The following CNTNAP2 variants were observed in gnomAD, a reference collection of about 807,000 sequenced individuals.
CNTNAP2 encodes contactin associated protein 2, also known as contactin-associated protein-like 2.
A neutral mutation model predicts 155.2 loss-of-function variants in CNTNAP2; 98 were observed. The observed-to-expected ratio is 0.63, with a 90% CI of 0.54 to 0.75. The LOEUF (loss-of-function observed/expected upper bound fraction) is 0.75. Among genes scored for constraint, CNTNAP2 ranks in the 30% least tolerant of loss-of-function variants. CNTNAP2 has a pLI of 0.00. For synonymous variants in CNTNAP2, 651 were observed against 631.2 expected (o/e 1.03, Z -0.47); for missense variants, 1,727 against 1,688.1 (o/e 1.02, Z -0.40).
intron 1 of CNTNAP2, among the ~76,000 whole-genome samples, chr7:146,298,585 A>G (rs1037541596): frequency 3.9e-5 from 6 of 152,238 alleles, no homozygotes; most frequent in African/African-American, 7.2e-5. Flanking sequence ...ATGTGGGGCT[A>G]TCAGGGGATT....
intron 13 of CNTNAP2, among the ~76,000 whole-genome samples, chr7:147,827,828 C>CT (rs1229572020): frequency 6.6e-6 from 1 of 152,104 alleles, no homozygotes; most frequent in Non-Finnish European, 1.5e-5. Flanking sequence ...AATGCAATGA[C>CT]TTCTTGTATT....
intron 15 of CNTNAP2, among the ~76,000 whole-genome samples, chr7:148,097,651 A>G (rs557313436): frequency 6.6e-6 from 1 of 152,242 alleles, no homozygotes; most frequent in African/African-American, 2.4e-5. Flanking sequence ...TTCAACAAAT[A>G]TTACTGATGT....
At chr7:147,073,450 G>C (rs1006412848) in intron 4 of CNTNAP2, among the ~76,000 whole-genome samples, 1 of 152,084 alleles carries the variant, frequency 6.6e-6, no homozygotes, top group Non-Finnish European at 1.5e-5. Flanking sequence ...CTAAATAAAG[G>C]AGTCAAGATC....
At chr7:147,299,847 C>G (rs1001926983) in intron 8 of CNTNAP2, among the ~76,000 whole-genome samples, 1 of 152,084 alleles carries the variant, frequency 6.6e-6, no homozygotes, top group East Asian at 1.9e-4. Flanking sequence ...TTTGGGAGGC[C>G]GAGGTCATCT....
rs572649417 is a variant in CNTNAP2 at position 148,318,275 on chromosome 7, C to T, written c.3475+51149C>T. 1.1e-4 allele frequency among the ~76,000 whole-genome samples: 16 copies of T among 152,244 alleles called. No individual in the cohort carries two copies. In the South Asian group the frequency reaches 2.1e-3, roughly 20 times the overall value. ...AACCGCCCCCTGCAGAGAAGTCACC[C>T]GGCTGTCGCCTGCTTGGCTTGCCCT... On this transcript the variant is annotated intron_variant, in intron 21 of 23. Coordinates refer to ENST00000361727, the MANE Select transcript of CNTNAP2 (RefSeq NM_014141.6).
chr7:148,274,302 G>A (rs1796833562), intron 21 of CNTNAP2, among the ~76,000 whole-genome samples: 3 of 151,876 alleles, frequency 2.0e-5, no homozygotes, highest in Admixed American at 1.3e-4. Flanking sequence ...GTTTGTTACT[G>A]TGGCAGAGCC....
intron 14 of CNTNAP2, among the ~76,000 whole-genome samples, chr7:147,919,591 T>TGG (rs1347185809): frequency 6.6e-6 from 1 of 151,466 alleles, no homozygotes; most frequent in Non-Finnish European, 1.5e-5. Context: ...CCCAAGTAGC[T>TGG]GGGACTACAG....
Position 148,260,865 on chromosome 7 carries a change from C to T in CNTNAP2, c.3382-6168C>T, listed in dbSNP as rs913112215. The stretch of plus-strand genomic sequence containing the variant: ...GCATGTGAGGGCCTTCACAGGACAC[C>T]AAGATCCAAAAGCAGCCAGGCCTAA... On this transcript the variant is annotated intron_variant, in intron 20 of 23. Coordinates refer to ENST00000361727, the MANE Select transcript of CNTNAP2 (RefSeq NM_014141.6). Among the ~76,000 whole-genome samples, 4 of 152,276 alleles carry T rather than the reference C, an allele frequency of 2.6e-5. No homozygotes were observed. In the South Asian group the frequency reaches 6.2e-4, roughly 24 times the overall value.
intron 10 of CNTNAP2, among the ~76,000 whole-genome samples, chr7:147,477,914 T>C (rs1341440680): frequency 6.6e-6 from 1 of 152,220 alleles, no homozygotes; most frequent in Non-Finnish European, 1.5e-5. Flanking sequence ...ATCCCTAATG[T>C]AATAATTAAT....
intron 8 of CNTNAP2, among the ~76,000 whole-genome samples, chr7:147,244,200 T>A (rs1234213163): frequency 6.6e-6 from 1 of 152,188 alleles, no homozygotes; most frequent in Non-Finnish European, 1.5e-5. Flanking sequence ...TACAAAGTTA[T>A]CTGATACACA....
Position 147,428,054 on chromosome 7 carries a change from T to C in CNTNAP2, c.1670+32274T>C, listed in dbSNP as rs537151743. ...TTTCAGTTGCAAAGAATAGTACAAA[T>C]AAATCAAAGTAAATGTAGATTTAGT... On this transcript the variant is annotated intron_variant, in intron 10 of 23. Coordinates refer to ENST00000361727, the MANE Select transcript of CNTNAP2 (RefSeq NM_014141.6). 2.6e-5 allele frequency among the ~76,000 whole-genome samples: 4 copies of C among 152,292 alleles called. No individual in the cohort carries two copies. The South Asian group carries it at 8.3e-4, about 32-fold the overall frequency.
chr7:147,439,085 T>C (rs1485982374), intron 10 of CNTNAP2, among the ~76,000 whole-genome samples: 1 of 152,060 alleles, frequency 6.6e-6, no homozygotes, highest in Non-Finnish European at 1.5e-5. Flanking sequence ...TTCAATCTTA[T>C]TTATTTCTGC....
intron 1 of CNTNAP2, among the ~76,000 whole-genome samples, chr7:146,697,396 C>T (rs997648123): frequency 2.6e-5 from 4 of 152,018 alleles, no homozygotes; most frequent in African/African-American, 9.7e-5. Context: ...TGCCACCACA[C>T]CGGGTTAATT....
intron 15 of CNTNAP2, among the ~76,000 whole-genome samples, chr7:148,106,145 A>G (rs1804212414): frequency 6.6e-6 from 1 of 152,176 alleles, no homozygotes; most frequent in Admixed American, 6.5e-5. Flanking sequence ...AGAGTGGGAA[A>G]AGCTCTACCT....
At chr7:146,916,365 TTCTC>T (rs1396448625) in intron 3 of CNTNAP2, among the ~76,000 whole-genome samples, 5 of 151,156 alleles carry the variant, frequency 3.3e-5, no homozygotes, top group African/African-American at 1.2e-4. Context: ...CTCTTTCTCT[TTCTC>T]TTTCTCTAAA....
chr7:146,995,585 A>G (rs1798293547), intron 3 of CNTNAP2, among the ~76,000 whole-genome samples: 1 of 152,084 alleles, frequency 6.6e-6, no homozygotes, highest in South Asian at 2.1e-4. Flanking sequence ...TGTGATGAAT[A>G]ATGATATTGA....
At chr7:148,382,344 C>T (rs1344184968) in intron 21 of CNTNAP2, among the ~76,000 whole-genome samples, 1 of 152,238 alleles carries the variant, frequency 6.6e-6, no homozygotes, top group African/African-American at 2.4e-5. Context: ...GAAGACAGCT[C>T]TTTAAGAAGT....
intron 1 of CNTNAP2, among the ~76,000 whole-genome samples, chr7:146,673,127 GC>G (rs1800337898): frequency 6.6e-6 from 1 of 151,902 alleles, no homozygotes; most frequent in South Asian, 2.1e-4. Flanking sequence ...ATGCATAATA[GC>G]TTTGATATTC....
chr7:147,672,529 C>G (rs1175800126), intron 13 of CNTNAP2: 3 of 152,178 alleles, frequency 2.0e-5, no homozygotes, highest in Non-Finnish European at 2.9e-5. Flanking sequence ...AAACTTTGGA[C>G]TGGATTCTCA....
Sources: allele counts gnomAD v4.1 joint callset (sites outside exome capture counted in the v4.1 genomes callset), GRCh38; gene constraint gnomAD v4.1.1; transcripts MANE v1.5; gene names NCBI Gene and HGNC (gene_info 2026-07-23, HGNC 2026-07-21).